UNC45A: variants seen among roughly 807,000 people sequenced by gnomAD.
The protein encoded by UNC45A is protein unc-45 homolog A.
Under a neutral mutation model 103.2 loss-of-function variants are expected in UNC45A, and 78 were observed. The observed-to-expected ratio is 0.76, with a 90% CI of 0.63 to 0.91. The LOEUF is 0.91. Ranked by LOEUF, UNC45A falls within the 40% of genes least tolerant of loss-of-function variation. The pLI, the probability that UNC45A is intolerant of heterozygous loss-of-function variation, is 0.00. For missense variants in UNC45A, 1,193 were observed against 1,224.8 expected, an observed-to-expected ratio of 0.97 and a Z score of 0.39; for synonymous variants, 495 against 504.6, an observed-to-expected ratio of 0.98 and a Z score of 0.25.
At position 90,949,414 on chromosome 15, in the gene UNC45A, G is replaced by T; in HGVS notation, c.1977G>T (p.Leu659=). 1 of 1,613,804 alleles carries T rather than the reference G, an allele frequency of 6.2e-7. No homozygotes were observed. The highest frequency in any genetic ancestry group is 1.1e-5 in the South Asian group (1 of 91,064). The part of the protein sequence containing the change: ...VCMVKTESPV[L]TSSCRELLSR... Reference sequence around the variant, plus strand: ...TGGTGAAGACGGAGAGCCCTGTGCTGACCAGTTCCTGCAGAGAGCTGCTCT... The same window carrying T: ...TGGTGAAGACGGAGAGCCCTGTGCTTACCAGTTCCTGCAGAGAGCTGCTCT... The change falls in exon 14 of 20, where the codon CTG becomes CTT. Residue 659 remains leucine, a synonymous_variant. Transcript: ENST00000418476.
chr15:90,943,477 G>A (rs1313522919), intron 8 of UNC45A, among the ~76,000 whole-genome samples: 1 of 151,054 alleles, frequency 6.6e-6, no homozygotes, highest in African/African-American at 2.4e-5. Flanking sequence ...CTCCAGCCAC[G>A]TGTCTGCACT....
upstream of UNC45A, chr15:90,932,147 G>A: frequency 6.4e-7 from 1 of 1,564,054 alleles, no homozygotes; most frequent in Non-Finnish European, 8.7e-7. Context: ...TCAGGTCGGA[G>A]GTAGTCCCAA....
rs1167155905 is a variant in UNC45A at position 90,947,863 on chromosome 15, C to T, written c.1568C>T (p.Thr523Ile). ...FSMKQFAEGS[T>I]LKLAKQCRKW... ...ATGAAGCAGTTTGCTGAAGGCTCCACTCTCAAACTGGCTAAGCAGTGTCGA... is the reference window on the plus strand; with the variant it reads ...ATGAAGCAGTTTGCTGAAGGCTCCATTCTCAAACTGGCTAAGCAGTGTCGA... The change falls in exon 11 of 20, where the codon ACT becomes ATT. Residue 523 changes from threonine (T) to isoleucine (I), a missense_variant. Thr to Ile is a moderately conservative substitution (Grantham distance 89). Transcript: ENST00000418476. 6.2e-7 allele frequency: 1 copy of T among 1,613,952 alleles called. No homozygotes were observed. Among genetic ancestry groups the T allele is most frequent in the African/African-American group, 1.3e-5 (1 of 74,936 alleles).
At chr15:90,951,165 G>A (rs1567162548) in intron 17 of UNC45A, among the ~76,000 whole-genome samples, 1 of 152,084 alleles carries the variant, frequency 6.6e-6, no homozygotes, top group Non-Finnish European at 1.5e-5. Context: ...GTGCTACCGC[G>A]CCTGGCTAAT....
rs552785013 is a variant in UNC45A, at chr15:90,950,604, C to T, written c.2292C>T (p.Ser764=). 46 of 1,614,096 alleles carry T rather than the reference C, an allele frequency of 2.8e-5. No homozygotes were observed. The highest frequency in any genetic ancestry group is 1.8e-4 in the Admixed American group (11 of 60,012). Residue 764 remains serine, a synonymous_variant, in exon 17 of 20, where the codon AGC becomes AGT. Coordinates refer to ENST00000418476, the MANE Select transcript of UNC45A (RefSeq NM_018671.5). Reference sequence around the variant, plus strand: ...CCCTAACAAACCTGGCTGGGATCAGCGAGAGGCTCCGGTAAGGTCCCTTGG... The same window carrying T: ...CCCTAACAAACCTGGCTGGGATCAGTGAGAGGCTCCGGTAAGGTCCCTTGG... ...LMALTNLAGI[S]ERLRQKILKE...
At chr15:90,931,923 C>A (rs752850621), upstream of UNC45A, 2 of 1,613,986 alleles carry the variant, frequency 1.2e-6, no homozygotes, top group South Asian at 2.2e-5. Context: ...GTGTCCTCCA[C>A]CGTGTCATGG....
Position 90,953,733 on chromosome 15 carries a change from C to T in UNC45A, c.*17C>T, listed in dbSNP as rs2037066932. The T allele has an allele frequency of 1.2e-6, 2 of 1,610,938 alleles. No individual in the cohort carries two copies. The highest frequency in any genetic ancestry group is 1.7e-6 in the Non-Finnish European group (2 of 1,178,288). ...GGAGAGTGAGGGGGTTGTCCCTGGG[C>T]CCAAGGCTCATGCACACGCTACCTA... On this transcript the variant is annotated 3_prime_UTR_variant, in exon 20 of 20. Transcript: ENST00000418476.
Position 90,953,499 on chromosome 15 carries a change from G to T in UNC45A, c.2618G>T (p.Ser873Ile). ...GAGATCCTGCAGGCCCTGCTTCTGA[G>T]CTCCAACCAGGAGCTGCAGCACCGG... ...WLEILQALLLSSNQELQHRGA... is the reference protein window; with the variant it reads ...WLEILQALLLISNQELQHRGA... The change falls in exon 20 of 20, where the codon AGC (serine) becomes ATC (isoleucine). Residue 873 changes from serine to isoleucine, a missense_variant. Transcript: ENST00000418476. 1 of 1,614,098 alleles carries T rather than the reference G, an allele frequency of 6.2e-7. No individual in the cohort carries two copies. Among genetic ancestry groups the T allele is most frequent in the Non-Finnish European group, 8.5e-7 (1 of 1,180,046 alleles).
upstream of UNC45A, chr15:90,934,233 C>A (rs1036107144): frequency 2.5e-6 from 1 of 399,426 alleles, no homozygotes. Context: ...GGAAGGGCAT[C>A]TTTTCTTCTG....
At chr15:90,931,943 G>A, upstream of UNC45A, 1 of 1,613,732 alleles carries the variant, frequency 6.2e-7, no homozygotes, top group Non-Finnish European at 8.5e-7. Context: ...GAGCAGGGCC[G>A]CCTGGGGACA....
chr15:90,950,327 G>A, intron 16 of UNC45A, 60 bp downstream of exon 16: 1 of 1,530,036 alleles, frequency 6.5e-7, no homozygotes, highest in African/African-American at 1.4e-5. Flanking sequence ...CTGTGGGCTG[G>A]GCTGTAGCTC....
rs1223210781 is a variant in UNC45A, at chr15:90,949,655, GTCT to G, written c.2013_2015del (p.Phe671del). 1 of 1,614,022 alleles carries G rather than the reference GTCT, an allele frequency of 6.2e-7. No individual in the cohort carries two copies. The highest frequency in any genetic ancestry group is 8.5e-7 in the Non-Finnish European group (1 of 1,180,018). ...CCCACCACCGCCTTCTCCCCACAGG[GTCT>G]TCTTGGCTTTAGTGGAAGAGGTAGA... On this transcript the variant is annotated inframe_deletion and splice_region_variant, in exon 15 of 20. Coordinates refer to ENST00000418476, the MANE Select transcript of UNC45A (RefSeq NM_018671.5).
intron 17 of UNC45A, 49 bp from the exon 18 acceptor site, chr15:90,952,880 G>A (rs1231100035): frequency 6.4e-7 from 1 of 1,559,892 alleles, no homozygotes; most frequent in Non-Finnish European, 8.8e-7. Context: ...GGGTTAGAAG[G>A]GAAAACATCC....
chr15:90,943,983 C>T (rs536457794), intron 8 of UNC45A, among the ~76,000 whole-genome samples: 27 of 134,670 alleles, frequency 2.0e-4, no homozygotes, highest in Admixed American at 5.9e-4. Context: ...GCCATTGTGC[C>T]CTGTTTTTTT....
chr15:90,935,734 C>T, intron 2 of UNC45A, 29 bp downstream of exon 2: 3 of 1,534,546 alleles, frequency 2.0e-6, no homozygotes, highest in Non-Finnish European at 1.7e-6. Context: ...CTTCCCCTCG[C>T]CCGCCCGGGC....
chr15:90,952,905 C>T (rs375231648), intron 17 of UNC45A, 24 bp from the exon 18 acceptor site: 1 of 1,600,502 alleles, frequency 6.2e-7, no homozygotes. Flanking sequence ...CGTATCCCTG[C>T]TGCTTCCTCC....
Position 90,946,409 on chromosome 15 carries a change from C to T in UNC45A, c.1200-205C>T, listed in dbSNP as rs570919096. On this transcript the variant is annotated intron_variant, in intron 9 of 19. Coordinates refer to ENST00000418476, the MANE Select transcript of UNC45A (RefSeq NM_018671.5). ...GTATGGGAGTAACCTGTATTAGATA[C>T]TATGTCAGGGAAGGCTTGAGTGAAA... is the stretch of plus-strand genomic sequence containing the variant. Among the ~76,000 whole-genome samples the T allele has an allele frequency of 2.0e-5, 3 of 152,286 alleles. No individual in the cohort carries two copies. The East Asian group carries it at 5.8e-4, about 29-fold the overall frequency.
intron 17 of UNC45A, among the ~76,000 whole-genome samples, chr15:90,951,010 GT>G (rs552888103): frequency 0.27 from 40,395 of 151,386 alleles, 7,028 homozygotes; most frequent in Non-Finnish European, 0.39. Flanking sequence ...GTATATTTTA[GT>G]TTTTTTTTTT....
At chr15:90,936,780 C>A (rs12904445) in intron 4 of UNC45A, among the ~76,000 whole-genome samples, 23,592 of 152,122 alleles carry the variant, frequency 0.16, 2,380 homozygotes, top group East Asian at 0.4. Context: ...CATATCTATT[C>A]AATTTCAAAT....
Sources: allele counts gnomAD v4.1 joint callset (sites outside exome capture counted in the v4.1 genomes callset), GRCh38; gene constraint gnomAD v4.1.1; transcripts MANE v1.5; gene names NCBI Gene and HGNC (gene_info 2026-07-23, HGNC 2026-07-21).